Variants in ABL1 observed in about 807,000 individuals in gnomAD.
ABL1 encodes tyrosine-protein kinase ABL1.
In ABL1, 11 loss-of-function variants were observed where a neutral mutation model predicts 94.7. That is an observed-to-expected ratio of 0.12 (90% confidence interval 0.07 to 0.19). The LOEUF (loss-of-function observed/expected upper bound fraction) is 0.19. Ranked by LOEUF, ABL1 falls within the 10% of genes least tolerant of loss-of-function variation. The pLI is 1.00. For synonymous variants in ABL1, 656 were observed against 622.4 expected (o/e 1.05, Z -0.80); for missense variants, 1,082 against 1,489.4 (o/e 0.73, Z 4.50).
At chr9:130,801,228 C>A (rs1830050672) in intron 1 of ABL1, among the ~76,000 whole-genome samples, 1 of 149,418 alleles carries the variant, frequency 6.7e-6, no homozygotes, top group Non-Finnish European at 1.5e-5. Context: ...AGTGCCCGGC[C>A]CTTTTTCCTT....
chr9:130,851,031 C>T (rs1240171141), intron 1 of ABL1, among the ~76,000 whole-genome samples: 1 of 152,024 alleles, frequency 6.6e-6, no homozygotes, highest in Non-Finnish European at 1.5e-5. Flanking sequence ...TCACGCCATT[C>T]TCCTGCCTCA....
In ABL1 at chr9:130,885,078, G is replaced by T. The variant is rs758209901; in HGVS notation, c.2788G>T (p.Ala930Ser). ...GGCGGCCGGGGAGGCAGTCCTGGGCGCAAAGACAAAAGCCACGAGTCTGGT... is the reference window on the plus strand; with the variant it reads ...GGCGGCCGGGGAGGCAGTCCTGGGCTCAAAGACAAAAGCCACGAGTCTGGT... The part of the protein sequence containing the change: ...QEAAGEAVLG[A>S]KTKATSLVDA... The change falls in exon 11 of 11, where the codon GCA (alanine) becomes TCA (serine). Residue 930 changes from alanine to serine, a missense_variant. Coordinates refer to ENST00000318560, the MANE Select transcript of ABL1 (RefSeq NM_005157.6). The T allele has an allele frequency of 6.2e-7, 1 of 1,609,682 alleles. No individual in the cohort carries two copies. Among genetic ancestry groups the T allele is most frequent in the Middle Eastern group, 1.7e-4 (1 of 6,048 alleles).
Position 130,719,301 on chromosome 9 carries a change from T to C in ABL1, c.136+4846T>C, listed in dbSNP as rs750552282. Among the ~76,000 whole-genome samples, 94 of 152,098 alleles carry C rather than the reference T, an allele frequency of 6.2e-4. 1 individual carries two copies. The highest frequency in any genetic ancestry group is 1.6e-4 in the Non-Finnish European group (11 of 67,998). ...CCCAGCACTTTGGGAGGTTGACACA[T>C]GTGGATCACCTGAGGTCAGGAGTTT... On this transcript the variant is annotated intron_variant, in intron 1 of 10. Coordinates refer to the ABL1 transcript ENST00000372348.
intron 1 of ABL1, among the ~76,000 whole-genome samples, chr9:130,850,998 C>T (rs1588267366): frequency 6.6e-6 from 1 of 151,612 alleles, no homozygotes; most frequent in Non-Finnish European, 1.5e-5. Flanking sequence ...ATCTCGGCTC[C>T]CTGCAAGCTC....
intron 1 of ABL1, among the ~76,000 whole-genome samples, chr9:130,739,869 G>C (rs1305906885): frequency 2.6e-5 from 4 of 152,052 alleles, no homozygotes; most frequent in African/African-American, 9.7e-5. Context: ...AACATAGGGA[G>C]ACCCCAACAT....
intron 1 of ABL1, among the ~76,000 whole-genome samples, chr9:130,794,461 A>C (rs917058255): frequency 6.6e-5 from 10 of 152,362 alleles, no homozygotes; most frequent in African/African-American, 2.2e-4. Context: ...AAGACACCTT[A>C]GACCATAGAA....
At chr9:130,853,181 T>TC (rs1830904710) in intron 1 of ABL1, among the ~76,000 whole-genome samples, 1 of 136,898 alleles carries the variant, frequency 7.3e-6, no homozygotes, top group East Asian at 2.1e-4. Flanking sequence ...TTTTTTTTTT[T>TC]TTTTTTTTTT....
chr9:130,884,201 G>A lies in ABL1; in HGVS notation c.1911G>A (p.Glu637=), dbSNP rs1186860690. 9.9e-6 allele frequency: 16 copies of A among 1,610,910 alleles called. No individual in the cohort carries two copies. Among genetic ancestry groups the A allele is most frequent in the Non-Finnish European group, 1.3e-5 (15 of 1,179,154 alleles). The change falls in exon 11 of 11, where the codon GAG becomes GAA. Residue 637 remains glutamate, a synonymous_variant. Coordinates refer to ENST00000318560, the MANE Select transcript of ABL1 (RefSeq NM_005157.6). The surrounding 1 kb of genome is among the most constrained non-coding windows in gnomAD (Gnocchi z 5.6). ...AGCGCAGAGGGGCCGGCGAGGAAGAGGGCCGAGACATCAGCAACGGGGCAC... is the reference window on the plus strand; with the variant it reads ...AGCGCAGAGGGGCCGGCGAGGAAGAAGGCCGAGACATCAGCAACGGGGCAC... ...QPERRGAGEE[E]GRDISNGALA...
chr9:130,870,624 G>C (rs1368913616), intron 4 of ABL1, among the ~76,000 whole-genome samples: 1 of 152,190 alleles, frequency 6.6e-6, no homozygotes, highest in East Asian at 1.9e-4. Flanking sequence ...ATGGTCTGCT[G>C]AGCACATTAA....
intron 1 of ABL1, among the ~76,000 whole-genome samples, chr9:130,742,878 C>T (rs1483482911): frequency 6.6e-6 from 1 of 151,732 alleles, no homozygotes; most frequent in Non-Finnish European, 1.5e-5. Context: ...ATAAAGCATT[C>T]ATAAAATGAA....
At chr9:130,752,279 T>C (rs535185488) in intron 1 of ABL1, among the ~76,000 whole-genome samples, 1 of 152,328 alleles carries the variant, frequency 6.6e-6, no homozygotes, top group African/African-American at 2.4e-5. Flanking sequence ...GGCATGTTAT[T>C]TCACTTCTGT....
chr9:130,731,229 ACTC>A (rs1158907217), intron 1 of ABL1, among the ~76,000 whole-genome samples: 2 of 148,704 alleles, frequency 1.3e-5, no homozygotes, highest in African/African-American at 4.9e-5. Context: ...CTGGTTTTGA[ACTC>A]CTAACCTCAG....
intron 8 of ABL1, among the ~76,000 whole-genome samples, chr9:130,878,928 A>G (rs1588280243): frequency 7.5e-6 from 1 of 133,832 alleles, no homozygotes. Flanking sequence ...CCCAGGCTGG[A>G]GTACAATGGC....
rs189204157 is a variant in ABL1, at chr9:130,803,186, C to T, written c.137-50878C>T. ...TCCTGAGTAGCTGGGATTACAGGCC[C>T]GCACCACCACGCCCGGCTAATTTTT... On this transcript the variant is annotated intron_variant, in intron 1 of 10. Coordinates refer to the ABL1 transcript ENST00000372348. Among the ~76,000 whole-genome samples, 471 of 152,118 alleles carry T rather than the reference C, an allele frequency of 3.1e-3. 7 individuals are homozygous for T. Among genetic ancestry groups the T allele is most frequent in the Non-Finnish European group, 2.1e-3 (141 of 67,998 alleles).
At chr9:130,845,416 ACTGC>A (rs1830751057) in intron 1 of ABL1, among the ~76,000 whole-genome samples, 1 of 151,612 alleles carries the variant, frequency 6.6e-6, no homozygotes, top group East Asian at 1.9e-4. Context: ...ATCTTGGCTC[ACTGC>A]AACCTCCACC....
At chr9:130,756,853 T>C (rs1832047338) in intron 1 of ABL1, among the ~76,000 whole-genome samples, 1 of 152,064 alleles carries the variant, frequency 6.6e-6, no homozygotes, top group Non-Finnish European at 1.5e-5. Context: ...TAAAAGAAAA[T>C]GGAAACAAAG....
At chr9:130,809,417 A>AGAGAGAGAGAGTGT (rs1389499231) in intron 1 of ABL1, among the ~76,000 whole-genome samples, 1 of 84,304 alleles carries the variant, frequency 1.2e-5, no homozygotes, top group Non-Finnish European at 2.7e-5. Flanking sequence ...AGAGAGAGAG[A>AGAGAGAGAGAGTGT]GTGTGTGTGT....
chr9:130,735,921 A>G (rs7040659), intron 1 of ABL1, among the ~76,000 whole-genome samples: 14 of 118,190 alleles, frequency 1.2e-4, no homozygotes, highest in Non-Finnish European at 1.9e-4. Context: ...ATGTGTGTGT[A>G]TGCATGTGTG....
intron 1 of ABL1, among the ~76,000 whole-genome samples, chr9:130,721,902 A>G (rs1009071105): frequency 6.7e-6 from 1 of 148,418 alleles, no homozygotes; most frequent in Non-Finnish European, 1.5e-5. Flanking sequence ...GCTCATTGCA[A>G]CCTCCACCTC....
Sources: gnomAD v4.1 joint callset for allele counts (sites outside exome capture counted in the v4.1 genomes callset) on GRCh38, gnomAD v4.1.1 for gene constraint, Gnocchi (gnomAD v3.1) non-coding constraint, MANE v1.5 for transcripts, NCBI Gene and HGNC (gene_info 2026-07-23, HGNC 2026-07-21) for gene names.